The following EBF2 variants were observed in gnomAD, a reference collection of about 807,000 sequenced individuals.
EBF2 encodes transcription factor COE2.
A neutral mutation model predicts 72.8 loss-of-function variants in EBF2; 21 were observed. That is an observed-to-expected ratio of 0.29 (90% CI 0.20 to 0.42). The LOEUF is 0.42. Ranked by LOEUF, EBF2 falls within the 10% of genes least tolerant of loss-of-function variation. The probability of loss-of-function intolerance (pLI) is 1.00; values close to 1 mark genes in which losing one functional copy is unlikely to be tolerated. For synonymous variants in EBF2, 299 were observed against 274.2 expected (o/e 1.09, Z -0.89); for missense variants, 637 against 731.2 (o/e 0.87, Z 1.49).
At chr8:25,890,807 G>C (rs889114724) in intron 7 of EBF2, among the ~76,000 whole-genome samples, 4 of 152,212 alleles carry the variant, frequency 2.6e-5, no homozygotes, top group Admixed American at 2.0e-4. Flanking sequence ...CAGTAAGTAA[G>C]TACAGAATGC....
At chr8:25,940,804 A>C (rs1006370015) in intron 6 of EBF2, among the ~76,000 whole-genome samples, 14 of 152,098 alleles carry the variant, frequency 9.2e-5, no homozygotes, top group Non-Finnish European at 1.8e-4. Flanking sequence ...GATTTCATTC[A>C]TTGCATTTTC....
chr8:25,936,389 G>C (rs1803579905), intron 6 of EBF2, among the ~76,000 whole-genome samples: 1 of 152,142 alleles, frequency 6.6e-6, no homozygotes, highest in African/African-American at 2.4e-5. Flanking sequence ...TTTTATAAAG[G>C]CCTTCTCAGA....
At chr8:25,883,830 C>G (rs1186464375) in intron 10 of EBF2, among the ~76,000 whole-genome samples, 1 of 152,140 alleles carries the variant, frequency 6.6e-6, no homozygotes, top group Non-Finnish European at 1.5e-5. Context: ...ACCAGAAGCT[C>G]TACATGTAAA....
intron 6 of EBF2, among the ~76,000 whole-genome samples, chr8:26,024,600 A>G (rs1186003191): frequency 1.3e-5 from 2 of 152,204 alleles, no homozygotes; most frequent in Non-Finnish European, 2.9e-5. Flanking sequence ...GCAGGAAGTC[A>G]CAGGAATTGT....
At chr8:25,909,968 A>G (rs1803100310) in intron 6 of EBF2, among the ~76,000 whole-genome samples, 1 of 152,048 alleles carries the variant, frequency 6.6e-6, no homozygotes, top group Non-Finnish European at 1.5e-5. Context: ...TCAATCTTTT[A>G]TAGGGTGGGT....
intron 6 of EBF2, among the ~76,000 whole-genome samples, chr8:25,957,417 A>T (rs1803968207): frequency 6.6e-6 from 1 of 152,198 alleles, no homozygotes; most frequent in South Asian, 2.1e-4. Context: ...CCAGCATCCC[A>T]TCTGCTAGTT....
intron 9 of EBF2, among the ~76,000 whole-genome samples, chr8:25,887,471 A>T (rs926910493): frequency 2.4e-4 from 37 of 152,222 alleles, no homozygotes; most frequent in Non-Finnish European, 3.2e-4. Context: ...CAATATTAAC[A>T]TCTGGTATGT....
chr8:25,981,937 C>T (rs1015336606), intron 6 of EBF2, among the ~76,000 whole-genome samples: 1 of 152,086 alleles, frequency 6.6e-6, no homozygotes, highest in African/African-American at 2.4e-5. Flanking sequence ...TTAAGGGTTT[C>T]ACAATTGGAT....
intron 6 of EBF2, among the ~76,000 whole-genome samples, chr8:25,917,343 A>C (rs1202479382): frequency 6.6e-6 from 1 of 152,156 alleles, no homozygotes; most frequent in Admixed American, 6.5e-5. Context: ...ATCTGACACC[A>C]TTAATGAAAA....
At chr8:25,853,829 C>T (rs1335761156) in intron 14 of EBF2, among the ~76,000 whole-genome samples, 1 of 112,086 alleles carries the variant, frequency 8.9e-6, no homozygotes, top group Non-Finnish European at 1.7e-5. Flanking sequence ...AAATATACAC[C>T]TCTTCAGATG....
At chr8:26,043,556 C>T (rs549567254) in intron 1 of EBF2, among the ~76,000 whole-genome samples, 1 of 152,302 alleles carries the variant, frequency 6.6e-6, no homozygotes, top group African/African-American at 2.4e-5. Context: ...TGCGGTCTGC[C>T]GGAGGGAAAT....
intron 15 of EBF2, among the ~76,000 whole-genome samples, chr8:25,847,297 C>T (rs1347858659): frequency 6.6e-6 from 1 of 152,176 alleles, no homozygotes; most frequent in Non-Finnish European, 1.5e-5. Context: ...CACATTGTCA[C>T]CCTCCCACTG....
intron 10 of EBF2, among the ~76,000 whole-genome samples, chr8:25,881,324 G>T (rs796658225): frequency 7.2e-5 from 11 of 152,132 alleles, no homozygotes; most frequent in African/African-American, 2.7e-4. Context: ...CTTCTGCTCT[G>T]TTCATAAAAT....
chr8:25,868,919 A>G (rs1246551467), intron 10 of EBF2, among the ~76,000 whole-genome samples: 3 of 152,070 alleles, frequency 2.0e-5, no homozygotes, highest in Non-Finnish European at 4.4e-5. Flanking sequence ...CTCTCCACTT[A>G]TACATTTTTG....
chr8:26,042,036 T>C (rs1805609417), intron 2 of EBF2, 59 bp downstream of exon 2: 1 of 1,585,314 alleles, frequency 6.3e-7, no homozygotes, highest in Non-Finnish European at 8.6e-7. Flanking sequence ...ATGGAATCTT[T>C]AGTGCTTCGC....
chr8:26,018,937 A>T (rs79377505), intron 6 of EBF2, among the ~76,000 whole-genome samples: 4 of 151,002 alleles, frequency 2.6e-5, no homozygotes, highest in Admixed American at 1.3e-4. Flanking sequence ...GCAATAAAAA[A>T]AAAAAAAAAA....
Position 25,843,209 on chromosome 8 carries a change from T to C in EBF2, c.*1400A>G, listed in dbSNP as rs1279309788. 3 of 152,214 alleles carry C rather than the reference T, an allele frequency of 2.0e-5. No homozygotes were observed. In the East Asian group the frequency reaches 5.8e-4, roughly 29 times the overall value. The allele number at this position is 152,214 out of a possible 1,614,324, so 9.4% of individuals were successfully genotyped here. A position where few individuals can be genotyped will look rare whatever the true frequency, so the allele number is the denominator to read the frequency against. ...TCCCAAGAATCTGGTCTTGCCTTTC[T>C]TCGAACATCAGAAGAGGGGATTAGG... is the stretch of plus-strand genomic sequence containing the variant. On this transcript the variant is annotated 3_prime_UTR_variant, in exon 16 of 16. Transcript: ENST00000520164.
chr8:25,977,910 C>T (rs1224003181), intron 6 of EBF2, among the ~76,000 whole-genome samples: 1 of 152,146 alleles, frequency 6.6e-6, no homozygotes, highest in Non-Finnish European at 1.5e-5. Flanking sequence ...AGTTAGGGAT[C>T]ATTATTATTT....
At chr8:25,929,949 G>T (rs549397244) in intron 6 of EBF2, among the ~76,000 whole-genome samples, 23 of 152,302 alleles carry the variant, frequency 1.5e-4, no homozygotes, top group African/African-American at 5.5e-4. Context: ...ATAGACTTTA[G>T]GGTGGCTGAT....
Sources: allele counts gnomAD v4.1 joint callset (sites outside exome capture counted in the v4.1 genomes callset), GRCh38; gene constraint gnomAD v4.1.1; transcripts MANE v1.5; gene names NCBI Gene and HGNC (gene_info 2026-07-23, HGNC 2026-07-21).